The following LRMDA variants were observed in gnomAD, a reference collection of about 807,000 sequenced individuals.
LRMDA encodes the protein leucine-rich melanocyte differentiation-associated protein.
A neutral mutation model predicts 29.8 loss-of-function variants in LRMDA; 18 were observed. The observed-to-expected ratio is 0.60, with a 90% CI of 0.42 to 0.90. The LOEUF is 0.90. Among genes scored for constraint, LRMDA ranks in the 40% least tolerant of loss-of-function variants. The pLI is 0.00. For missense variants in LRMDA, 273 were observed against 273.9 expected, an observed-to-expected ratio of 1.00 and a Z score of 0.02; for synonymous variants, 125 against 109.4, an observed-to-expected ratio of 1.14 and a Z score of -0.89.
At chr10:75,558,337 G>A (rs533133587) in intron 2 of LRMDA, among the ~76,000 whole-genome samples, 9 of 151,950 alleles carry the variant, frequency 5.9e-5, no homozygotes, top group Admixed American at 2.6e-4. Flanking sequence ...TTTGCCAGGA[G>A]AGCAAAACTG....
intron 2 of LRMDA, among the ~76,000 whole-genome samples, chr10:75,921,729 C>G (rs372708905): frequency 1.6e-4 from 25 of 152,184 alleles, no homozygotes; most frequent in African/African-American, 5.6e-4. Flanking sequence ...TGAGGCTCCT[C>G]AAAACTTGGT....
chr10:76,542,054 C>CGT lies in LRMDA; in HGVS notation c.602-15130_602-15129dup, dbSNP rs34637437. Among the ~76,000 whole-genome samples, 466 of 150,240 alleles carry CGT rather than the reference C, an allele frequency of 3.1e-3. 3 individuals carry two copies. Among genetic ancestry groups the CGT allele is most frequent in the East Asian group, 7.9e-3 (40 of 5,040 alleles). On this transcript the variant is annotated intron_variant, in intron 6 of 6. Transcript: ENST00000611255. ...ACATGCATGCATGTAGGTGTGTGCA[C>CGT]GTGTGTGTGTGTGTGTGTGTGTGTG...
intron 6 of LRMDA, among the ~76,000 whole-genome samples, chr10:76,555,588 G>C (rs1423646335): frequency 6.6e-6 from 1 of 152,136 alleles, no homozygotes; most frequent in Non-Finnish European, 1.5e-5. Flanking sequence ...CCAAACCAGG[G>C]AGCATCTGCT....
At chr10:75,492,498 A>T (rs1363684521) in intron 2 of LRMDA, among the ~76,000 whole-genome samples, 2 of 152,198 alleles carry the variant, frequency 1.3e-5, no homozygotes, top group Non-Finnish European at 2.9e-5. Context: ...GAAGTATGGC[A>T]TATGTGAGTG....
chr10:75,941,549 T>C (rs1013922197), intron 2 of LRMDA, among the ~76,000 whole-genome samples: 7 of 152,158 alleles, frequency 4.6e-5, no homozygotes, highest in African/African-American at 1.7e-4. Flanking sequence ...GATGCCAGCA[T>C]CTCACTGGCA....
At chr10:76,046,593 T>A (rs571291733) in intron 3 of LRMDA, among the ~76,000 whole-genome samples, 23 of 152,310 alleles carry the variant, frequency 1.5e-4, no homozygotes, top group Admixed American at 5.2e-4. Flanking sequence ...CAAGCGATTC[T>A]CCTGCCTCAG....
At chr10:75,573,328 T>A (rs1840460652) in intron 2 of LRMDA, among the ~76,000 whole-genome samples, 3 of 152,208 alleles carry the variant, frequency 2.0e-5, no homozygotes, top group African/African-American at 7.2e-5. Context: ...ATTTATTTAT[T>A]TTTCCCCAGT....
At chr10:76,485,910 T>C (rs1271373065) in intron 6 of LRMDA, among the ~76,000 whole-genome samples, 1 of 151,916 alleles carries the variant, frequency 6.6e-6, no homozygotes, top group Non-Finnish European at 1.5e-5. Context: ...CAGGCTAGGA[T>C]ATATAAAAGG....
chr10:75,734,342 A>C (rs1209350131), intron 2 of LRMDA, among the ~76,000 whole-genome samples: 1 of 152,200 alleles, frequency 6.6e-6, no homozygotes, highest in Non-Finnish European at 1.5e-5. Flanking sequence ...TTAGGAATGA[A>C]GCAGAGTTGT....
At chr10:75,802,663 C>T (rs1404686532) in intron 2 of LRMDA, among the ~76,000 whole-genome samples, 2 of 150,900 alleles carry the variant, frequency 1.3e-5, no homozygotes, top group Non-Finnish European at 2.9e-5. Flanking sequence ...ATTAAACAAA[C>T]ACTATCGAAT....
intron 5 of LRMDA, among the ~76,000 whole-genome samples, chr10:76,092,472 TTCCTC>T (rs1291152834): frequency 6.6e-6 from 1 of 152,218 alleles, no homozygotes; most frequent in African/African-American, 2.4e-5. Context: ...CCAATCTCTC[TTCCTC>T]TATCCCTGTC....
At chr10:76,133,268 G>A (rs1165369262) in intron 5 of LRMDA, among the ~76,000 whole-genome samples, 3 of 63,518 alleles carry the variant, frequency 4.7e-5, no homozygotes, top group East Asian at 3.4e-3. Flanking sequence ...TATTTATTTC[G>A]TGTGTGTGTG....
At chr10:75,813,806 A>T (rs1201179028) in intron 2 of LRMDA, among the ~76,000 whole-genome samples, 1 of 152,156 alleles carries the variant, frequency 6.6e-6, no homozygotes, top group Non-Finnish European at 1.5e-5. Flanking sequence ...GCTACCTTTC[A>T]CTGATTACCC....
intron 2 of LRMDA, among the ~76,000 whole-genome samples, chr10:75,536,914 C>T (rs1273535566): frequency 1.3e-5 from 2 of 152,030 alleles, no homozygotes; most frequent in Non-Finnish European, 2.9e-5. Context: ...ACTCTGAGAA[C>T]TTTGAGGACA....
chr10:76,286,674 T>C (rs544954255), intron 5 of LRMDA, among the ~76,000 whole-genome samples: 1 of 152,284 alleles, frequency 6.6e-6, no homozygotes, highest in South Asian at 2.1e-4. Flanking sequence ...ACACTTTAGG[T>C]GTCTAAGATA....
At position 76,426,064 on chromosome 10, in the gene LRMDA, C is replaced by T. The variant is rs111860277; in HGVS notation, c.601+101579C>T. Among the ~76,000 whole-genome samples, 62 of 152,258 alleles carry T rather than the reference C, an allele frequency of 4.1e-4. 1 individual carries two copies. The South Asian group carries it at 5.6e-3, about 14-fold the overall frequency. On this transcript the variant is annotated intron_variant, in intron 6 of 6. Transcript: ENST00000611255. Reference sequence around the variant, plus strand: ...GTGAGTAGTGCCGCAAATAAACATACGTGTGCATGTGTCTTTATAGCAGCA... The same window carrying T: ...GTGAGTAGTGCCGCAAATAAACATATGTGTGCATGTGTCTTTATAGCAGCA...
intron 2 of LRMDA, among the ~76,000 whole-genome samples, chr10:75,556,342 A>G (rs1202443072): frequency 6.6e-6 from 1 of 152,234 alleles, no homozygotes; most frequent in Non-Finnish European, 1.5e-5. Context: ...AGACAGTGGG[A>G]CATCTTTCAA....
chr10:76,173,822 G>A (rs1290211929), intron 5 of LRMDA, among the ~76,000 whole-genome samples: 3 of 152,078 alleles, frequency 2.0e-5, no homozygotes, highest in African/African-American at 7.2e-5. Flanking sequence ...CACCACACTT[G>A]GCTAACTTTT....
chr10:76,240,898 A>G (rs1313915155), intron 5 of LRMDA, among the ~76,000 whole-genome samples: 1 of 149,230 alleles, frequency 6.7e-6, no homozygotes, highest in Non-Finnish European at 1.5e-5. Flanking sequence ...ACACACATAC[A>G]TACACACACA....
Sources: gnomAD v4.1 joint callset for allele counts (sites outside exome capture counted in the v4.1 genomes callset) on GRCh38, gnomAD v4.1.1 for gene constraint, MANE v1.5 for transcripts, NCBI Gene and HGNC (gene_info 2026-07-23, HGNC 2026-07-21) for gene names.